The following C4orf17 variants were observed in gnomAD, a reference collection of about 807,000 sequenced individuals.
The protein encoded by C4orf17 is chromosome 4 open reading frame 17, also known as uncharacterized protein C4orf17.
A neutral mutation model predicts 32.0 loss-of-function variants in C4orf17; 25 were observed. That is an observed-to-expected ratio of 0.78 (90% CI 0.57 to 1.09). The LOEUF (loss-of-function observed/expected upper bound fraction) is 1.09, where lower values mean the gene tolerates loss of function less well. C4orf17 is among the 50% of genes least tolerant of loss of function. The pLI is 0.00. For synonymous variants in C4orf17, 149 were observed against 145.8 expected, an observed-to-expected ratio of 1.02 and a Z score of -0.16; for missense variants, 420 against 420.0, an observed-to-expected ratio of 1.00 and a Z score of 0.00.
chr4:99,512,674 CAT>C (rs1259026292), intron 1 of C4orf17, among the ~76,000 whole-genome samples: 3 of 152,038 alleles, frequency 2.0e-5, no homozygotes, highest in South Asian at 2.1e-4. Flanking sequence ...AATTGATAAT[CAT>C]GTAATTTTTT....
intron 2 of C4orf17, among the ~76,000 whole-genome samples, chr4:99,515,702 T>C (rs1723169352): frequency 6.6e-6 from 1 of 151,446 alleles, no homozygotes; most frequent in Non-Finnish European, 1.5e-5. Flanking sequence ...GAACTTAAAA[T>C]AAAAGTTAAA....
chr4:99,518,753 A>T lies in C4orf17; in HGVS notation c.128-3747A>T, dbSNP rs578152737. ...CCCCATTATGCATATGCCACAGTGG[A>T]CTTGTCTAAGTTGCTTGAACATGTC... is the stretch of plus-strand genomic sequence containing the variant. On this transcript the variant is annotated intron_variant, in intron 2 of 8. Coordinates refer to ENST00000326581, the MANE Select transcript of C4orf17 (RefSeq NM_032149.3). Among the ~76,000 whole-genome samples, 112 of 147,952 alleles carry T rather than the reference A, an allele frequency of 7.6e-4. 2 individuals are homozygous for T. In the Middle Eastern group the frequency reaches 0.014, roughly 18 times the overall value.
intron 4 of C4orf17, among the ~76,000 whole-genome samples, chr4:99,525,591 G>A (rs552808642): frequency 2.0e-5 from 3 of 152,150 alleles, no homozygotes; most frequent in South Asian, 4.2e-4. Flanking sequence ...TCAGGAGATC[G>A]AGACCATCCT....
chr4:99,520,224 GA>G (rs1723262700), intron 2 of C4orf17, among the ~76,000 whole-genome samples: 1 of 151,578 alleles, frequency 6.6e-6, no homozygotes, highest in African/African-American at 2.4e-5. Flanking sequence ...CGAGTAGCTG[GA>G]ACTACAGGCG....
intron 5 of C4orf17, among the ~76,000 whole-genome samples, chr4:99,536,671 C>T (rs536694838): frequency 6.6e-6 from 1 of 152,272 alleles, no homozygotes; most frequent in East Asian, 1.9e-4. Context: ...CAGCCTGTTC[C>T]CTCTGTCTCA....
Position 99,522,684 on chromosome 4 carries a change from C to G in C4orf17, c.312C>G (p.Ala104=). ...VRGMSPAPNG[A]KVPPRPHSEP... ...GAATGTCGCCAGCCCCAAACGGTGCCAAAGTGCCTCCACGGCCTCATTCTG... is the reference window on the plus strand; with the variant it reads ...GAATGTCGCCAGCCCCAAACGGTGCGAAAGTGCCTCCACGGCCTCATTCTG... The change falls in exon 3 of 9, where the codon GCC becomes GCG. Residue 104 remains alanine, a synonymous_variant. Transcript: ENST00000326581. 1 of 1,613,764 alleles carries G rather than the reference C, an allele frequency of 6.2e-7. No individual in the cohort carries two copies. The highest frequency in any genetic ancestry group is 2.2e-5 in the East Asian group (1 of 44,864).
chr4:99,522,099 A>T (rs896068333), intron 2 of C4orf17, among the ~76,000 whole-genome samples: 2 of 152,306 alleles, frequency 1.3e-5, no homozygotes, highest in East Asian at 3.9e-4. Flanking sequence ...AGGCATTCTG[A>T]GTGCTTTAAA....
At chr4:99,526,348 C>G (rs1381340337) in intron 4 of C4orf17, among the ~76,000 whole-genome samples, 1 of 152,166 alleles carries the variant, frequency 6.6e-6, no homozygotes, top group Non-Finnish European at 1.5e-5. Context: ...AAAAACCTCA[C>G]TTGGTCATGA....
Position 99,515,560 on chromosome 4 carries a change from G to A in C4orf17, c.127+2352G>A, listed in dbSNP as rs563973053. Among the ~76,000 whole-genome samples, 174 of 152,196 alleles carry A rather than the reference G, an allele frequency of 1.1e-3. 2 individuals carry two copies. Among genetic ancestry groups the A allele is most frequent in the Middle Eastern group, 6.8e-3 (2 of 294 alleles). ...GGGCCATTCAGAGGGTGGAGACTGGGAGGAGGGGGAGTGTCAGGAAAAATA... is the reference window on the plus strand; with the variant it reads ...GGGCCATTCAGAGGGTGGAGACTGGAAGGAGGGGGAGTGTCAGGAAAAATA... On this transcript the variant is annotated intron_variant, in intron 2 of 8. Coordinates refer to ENST00000326581, the MANE Select transcript of C4orf17 (RefSeq NM_032149.3).
chr4:99,537,821 C>A, intron 6 of C4orf17, 71 bp downstream of exon 6: 6 of 1,112,304 alleles, frequency 5.4e-6, no homozygotes, highest in South Asian at 2.5e-5. Flanking sequence ...ATGCCAATAT[C>A]TGAAGTTTTG....
At chr4:99,531,930 T>A (rs1245598257) in intron 5 of C4orf17, among the ~76,000 whole-genome samples, 1 of 152,158 alleles carries the variant, frequency 6.6e-6, no homozygotes, top group Non-Finnish European at 1.5e-5. Flanking sequence ...TCAGGAAATG[T>A]TTTTGCAGGG....
rs1392345087 is a variant in C4orf17 at position 99,541,970 on chromosome 4, A to C, written c.941A>C (p.Glu314Ala). The C allele has an allele frequency of 1.9e-6, 3 of 1,613,976 alleles. No individual in the cohort carries two copies. The African/African-American group carries it at 4.0e-5, about 22-fold the overall frequency. ...RRNNMKIPVA[E>A]YFSKPNSPPR... The stretch of plus-strand genomic sequence containing the variant: ...AATAATATGAAAATACCTGTTGCAG[A>C]ATATTTCAGCAAACCAAATTCTCCT... The change falls in exon 9 of 9, where the codon GAA becomes GCA. Residue 314 changes from glutamate to alanine, a missense_variant. By Grantham distance (107) the Glu-to-Ala change is moderately radical. Transcript: ENST00000326581.
intron 2 of C4orf17, among the ~76,000 whole-genome samples, chr4:99,517,432 G>A (rs1208253689): frequency 6.6e-6 from 1 of 152,092 alleles, no homozygotes; most frequent in Non-Finnish European, 1.5e-5. Context: ...CTGTTGTTAA[G>A]GAAAGATAGA....
chr4:99,542,283 G>A lies in C4orf17; in HGVS notation c.*174G>A, dbSNP rs186692880. On this transcript the variant is annotated 3_prime_UTR_variant, in exon 9 of 9. Transcript: ENST00000326581. Reference sequence around the variant, plus strand: ...GCTACAAATAAATATTACTGGAAATGATATTTCCATTTGTAGTTAATACGA... The same window carrying A: ...GCTACAAATAAATATTACTGGAAATAATATTTCCATTTGTAGTTAATACGA... The A allele has an allele frequency of 1.4e-4, 90 of 628,404 alleles. No individual in the cohort carries two copies. In the African/African-American group the frequency reaches 1.5e-3, roughly 10 times the overall value. 38.9% of individuals were successfully genotyped at this position (628,404 alleles called of 1,614,324 possible).
intron 5 of C4orf17, among the ~76,000 whole-genome samples, chr4:99,533,068 G>C (rs1383134077): frequency 2.6e-5 from 4 of 152,166 alleles, no homozygotes; most frequent in African/African-American, 9.7e-5. Context: ...GATGGGGCTG[G>C]AGACTTAAGA....
At chr4:99,537,847 A>ACATTATCTTTGC in intron 6 of C4orf17, 97 bp downstream of exon 6, 1 of 878,288 alleles carries the variant, frequency 1.1e-6, no homozygotes, top group Non-Finnish European at 1.9e-6. Flanking sequence ...TGGATTTGCA[A>ACATTATCTTTGC]AGATAATGTT....
intron 8 of C4orf17, 94 bp downstream of exon 8, chr4:99,540,549 A>G (rs1183790195): frequency 2.7e-6 from 2 of 752,114 alleles, no homozygotes; most frequent in East Asian, 5.2e-5. Context: ...CAGTGCTTTT[A>G]AAAAAACAGA....
chr4:99,522,615 C>T lies in C4orf17; in HGVS notation c.243C>T (p.Cys81=). ...AGAACAGGATACCATTTGCCAATTGCAGTTACCCCTCCAGCACTGCAGTCC... is the reference window on the plus strand; with the variant it reads ...AGAACAGGATACCATTTGCCAATTGTAGTTACCCCTCCAGCACTGCAGTCC... ...LEKNRIPFAN[C]SYPSSTAVQE... is the part of the protein sequence containing the mutation. The change falls in exon 3 of 9, where the codon TGC becomes TGT. Residue 81 remains cysteine, a synonymous_variant. Coordinates refer to ENST00000326581, the MANE Select transcript of C4orf17 (RefSeq NM_032149.3). The T allele has an allele frequency of 3.7e-6, 6 of 1,613,964 alleles. No homozygotes were observed. Among genetic ancestry groups the T allele is most frequent in the Non-Finnish European group, 5.1e-6 (6 of 1,179,892 alleles).
At chr4:99,524,124 C>T (rs1009613966) in intron 3 of C4orf17, among the ~76,000 whole-genome samples, 6 of 151,888 alleles carry the variant, frequency 4.0e-5, no homozygotes, top group East Asian at 3.9e-4. Flanking sequence ...GGACTACAGG[C>T]GCCCGCCACC....
Sources: allele counts gnomAD v4.1 joint callset (sites outside exome capture counted in the v4.1 genomes callset), GRCh38; gene constraint gnomAD v4.1.1; transcripts MANE v1.5; gene names NCBI Gene and HGNC (gene_info 2026-07-23, HGNC 2026-07-21).